The following LAMP1 variants were observed in gnomAD, a reference collection of about 807,000 sequenced individuals.
LAMP1 encodes lysosome-associated membrane glycoprotein 1.
LAMP1 carries 7 observed loss-of-function variants against 37.5 expected under a neutral mutation model. That is an observed-to-expected ratio of 0.19 (90% CI 0.11 to 0.35). LAMP1 has a LOEUF of 0.35. LAMP1 is among the 10% of genes least tolerant of loss of function. The pLI, the probability that LAMP1 is intolerant of heterozygous loss-of-function variation, is 1.00. For synonymous variants in LAMP1, 236 were observed against 229.1 expected, an observed-to-expected ratio of 1.03 and a Z score of -0.27; for missense variants, 537 against 552.8, an observed-to-expected ratio of 0.97 and a Z score of 0.29.
intron 1 of LAMP1, among the ~76,000 whole-genome samples, chr13:113,301,642 AAAATATATATATATAT>A (rs1285779018): frequency 5.3e-5 from 2 of 37,514 alleles, no homozygotes; most frequent in African/African-American, 3.3e-4. Context: ...AAAAAAAAAA[AAAATATATATATATAT>A]ATATATATAT....
chr13:113,307,240 C>T (rs1249127809), intron 2 of LAMP1, among the ~76,000 whole-genome samples: 1 of 151,312 alleles, frequency 6.6e-6, no homozygotes, highest in Non-Finnish European at 1.5e-5. Context: ...TCGCCACAAC[C>T]TCCGTCTCCT....
At chr13:113,305,064 C>G (rs910245875) in intron 1 of LAMP1, 1 of 152,180 alleles carries the variant, frequency 6.6e-6, no homozygotes. Flanking sequence ...AGAACAGTTG[C>G]TGTAAAGATT....
At chr13:113,314,429 T>C (rs1271689275) in intron 4 of LAMP1, among the ~76,000 whole-genome samples, 2 of 89,522 alleles carry the variant, frequency 2.2e-5, no homozygotes, top group African/African-American at 6.9e-5. Flanking sequence ...GGAGTCAGTG[T>C]GGAGATGCCC....
At chr13:113,309,576 ATC>A (rs956409759) in intron 2 of LAMP1, 65 bp from the exon 3 acceptor site, 7 of 1,219,126 alleles carry the variant, frequency 5.7e-6, no homozygotes, top group Admixed American at 2.0e-5. Flanking sequence ...CTTACAGAAA[ATC>A]TCTTTCTTTG....
In LAMP1 at chr13:113,321,631, G is replaced by T; in HGVS notation, c.1018G>T (p.Ala340Ser). ...AGTCGGCAATTCCTACAAGTGCAAC[G>T]CGGAGGAGCACGTCCGTGTCACGAA... is the stretch of plus-strand genomic sequence containing the variant. ...ATVGNSYKCN[A>S]EEHVRVTKAF... The change falls in exon 8 of 9, where the codon GCG becomes TCG. Residue 340 changes from alanine to serine, a missense_variant. By Grantham distance (99) the Ala-to-Ser change is moderately conservative. Coordinates refer to ENST00000332556, the MANE Select transcript of LAMP1 (RefSeq NM_005561.4). The surrounding 1 kb of genome is among the most constrained non-coding windows in gnomAD (Gnocchi z 5.6). The T allele has an allele frequency of 1.2e-6, 2 of 1,614,212 alleles. No homozygotes were observed. The highest frequency in any genetic ancestry group is 1.7e-6 in the Non-Finnish European group (2 of 1,180,040).
intron 4 of LAMP1, among the ~76,000 whole-genome samples, chr13:113,316,492 T>G (rs1306517023): frequency 1.3e-5 from 2 of 150,796 alleles, no homozygotes; most frequent in Non-Finnish European, 3.0e-5. Context: ...GCGTGATCTC[T>G]GCTCACTGCA....
intron 1 of LAMP1, among the ~76,000 whole-genome samples, chr13:113,301,641 AAAAATATATATATAT>A (rs1426019306): frequency 3.0e-4 from 9 of 30,426 alleles, no homozygotes; most frequent in African/African-American, 1.5e-3. Context: ...AAAAAAAAAA[AAAAATATATATATAT>A]ATATATATAT....
chr13:113,301,390 G>A (rs1191875864), intron 1 of LAMP1, among the ~76,000 whole-genome samples: 4 of 151,992 alleles, frequency 2.6e-5, no homozygotes. Context: ...GGAGGCCGAG[G>A]TGGGTGGATT....
chr13:113,322,355 C>G lies in LAMP1; in HGVS notation c.1188C>G (p.Val396=), dbSNP rs1367083835. The change falls in exon 9 of 9, where the codon GTC becomes GTG. Residue 396 remains valine (V), a synonymous_variant. Coordinates refer to ENST00000332556, the MANE Select transcript of LAMP1 (RefSeq NM_005561.4). ...IAVGGALAGL[V]LIVLIAYLVG... ...TGGGTGGTGCCCTGGCGGGGCTGGT[C>G]CTCATCGTCCTCATCGCCTACCTCG... 4 of 1,613,642 alleles carry G rather than the reference C, an allele frequency of 2.5e-6. No individual in the cohort carries two copies. Among genetic ancestry groups the G allele is most frequent in the Non-Finnish European group, 3.4e-6 (4 of 1,179,888 alleles).
chr13:113,312,487 T>C (rs887173883), intron 4 of LAMP1, among the ~76,000 whole-genome samples: 1 of 152,236 alleles, frequency 6.6e-6, no homozygotes, highest in African/African-American at 2.4e-5. Flanking sequence ...CGGCAGACTT[T>C]GCCTTCCCTG....
At chr13:113,303,190 T>G (rs954582466) in intron 1 of LAMP1, among the ~76,000 whole-genome samples, 15 of 152,346 alleles carry the variant, frequency 9.8e-5, no homozygotes, top group African/African-American at 3.4e-4. Flanking sequence ...GGGATTGGGC[T>G]CTGCTACTGG....
Position 113,320,576 on chromosome 13 carries a change from T to C in LAMP1, c.876+106T>C. On this transcript the variant is annotated intron_variant, in intron 6 of 8. Transcript: ENST00000332556. The surrounding 1 kb of genome is among the most constrained non-coding windows in gnomAD (Gnocchi z 4.4). Reference sequence around the variant, plus strand: ...AGGCAGCGTTAGGAAGGAGGCGGCCTCACTTTTTTCTGCCTTCCCTTTATC... The same window carrying C: ...AGGCAGCGTTAGGAAGGAGGCGGCCCCACTTTTTTCTGCCTTCCCTTTATC... The C allele has an allele frequency of 8.1e-7, 1 of 1,240,090 alleles. No individual in the cohort carries two copies. The highest frequency in any genetic ancestry group is 1.1e-6 in the Non-Finnish European group (1 of 901,982). The allele number at this position is 1,240,090 out of a possible 1,614,324, so 76.8% of individuals were successfully genotyped here.
rs958910187 is a variant in LAMP1, at chr13:113,308,124, C to T, written c.183+1518C>T. On this transcript the variant is annotated intron_variant, in intron 2 of 8. Transcript: ENST00000332556. ...CCACCTCCCAGGTTTGAGTGAGTCT[C>T]GTGCCTCAGCCTCCTCAGTAGGTGG... Among the ~76,000 whole-genome samples the T allele has an allele frequency of 4.0e-5, 6 of 151,876 alleles. No homozygotes were observed. The East Asian group carries it at 7.7e-4, about 20-fold the overall frequency.
At chr13:113,315,329 G>C (rs560917732) in intron 4 of LAMP1, among the ~76,000 whole-genome samples, 15 of 152,130 alleles carry the variant, frequency 9.9e-5, no homozygotes, top group African/African-American at 3.6e-4. Flanking sequence ...GCGTCCTGGA[G>C]GCTGGGCTTC....
intron 1 of LAMP1, among the ~76,000 whole-genome samples, chr13:113,302,870 G>A (rs1171611628): frequency 6.6e-6 from 1 of 152,206 alleles, no homozygotes. Context: ...TGACCTGGGT[G>A]GGTTAGTTGA....
intron 3 of LAMP1, among the ~76,000 whole-genome samples, chr13:113,310,292 C>T (rs2042623125): frequency 6.6e-6 from 1 of 151,488 alleles, no homozygotes; most frequent in South Asian, 2.1e-4. Context: ...CTTTGGGAGG[C>T]CGAGGCGGGC....
chr13:113,314,917 C>T (rs1455840716), intron 4 of LAMP1, among the ~76,000 whole-genome samples: 4 of 102,256 alleles, frequency 3.9e-5, no homozygotes, highest in African/African-American at 1.3e-4. Flanking sequence ...TGTGGAGATG[C>T]CCGTGTGCCT....
At position 113,306,582 on chromosome 13, in the gene LAMP1, C is replaced by T; in HGVS notation, c.159C>T (p.Asn53=). The change falls in exon 2 of 9, where the codon AAC becomes AAT. Residue 53 remains asparagine, a synonymous_variant. Coordinates refer to ENST00000332556, the MANE Select transcript of LAMP1 (RefSeq NM_005561.4). ...ACTTCTCTGCTGCCTTCTCAGTGAACTACGACACCAAGAGTGGCCCTAAGG... is the reference window on the plus strand; with the variant it reads ...ACTTCTCTGCTGCCTTCTCAGTGAATTACGACACCAAGAGTGGCCCTAAGG... The part of the protein sequence containing the change: ...MANFSAAFSV[N]YDTKSGPKNM... 1.2e-6 allele frequency: 2 copies of T among 1,614,088 alleles called. No individual in the cohort carries two copies. The highest frequency in any genetic ancestry group is 1.7e-6 in the Non-Finnish European group (2 of 1,179,998).
chr13:113,321,804 TC>T lies in LAMP1; in HGVS notation c.1114+79del. On this transcript the variant is annotated intron_variant, in intron 8 of 8. Transcript: ENST00000332556. This position sits in a 1 kb window ranked among gnomAD's most constrained non-coding sequence, Gnocchi z 5.6. ...CTCCGCCTGTGGACGTTTAGTCGCT[TC>T]CGTGTGGGCTGGGGCGACGCCCCTG... 9 of 1,447,112 alleles carry T rather than the reference TC, an allele frequency of 6.2e-6. No individual in the cohort carries two copies. Among genetic ancestry groups the T allele is most frequent in the Non-Finnish European group, 8.6e-6 (9 of 1,047,082 alleles). The allele number at this position is 1,447,112 out of a possible 1,614,324, so 89.6% of individuals were successfully genotyped here. A position where few individuals can be genotyped will look rare whatever the true frequency, so the allele number is the denominator to read the frequency against.
Sources: gnomAD v4.1 joint callset for allele counts (sites outside exome capture counted in the v4.1 genomes callset) on GRCh38, gnomAD v4.1.1 for gene constraint, Gnocchi (gnomAD v3.1) non-coding constraint, MANE v1.5 for transcripts, NCBI Gene and HGNC (gene_info 2026-07-23, HGNC 2026-07-21) for gene names.